ZNF75A: variants seen among roughly 807,000 people sequenced by gnomAD.
ZNF75A encodes zinc finger protein 75A.
A neutral mutation model predicts 46.3 loss-of-function variants in ZNF75A; 36 were observed. The observed-to-expected ratio is 0.78, with a 90% CI of 0.60 to 1.03. The LOEUF (loss-of-function observed/expected upper bound fraction) is 1.03, where lower values mean the gene tolerates loss of function less well. Ranked by LOEUF, ZNF75A falls within the 50% of genes least tolerant of loss-of-function variation. The pLI is 0.00. For synonymous variants in ZNF75A, 234 were observed against 189.9 expected, an observed-to-expected ratio of 1.23 and a Z score of -1.91; for missense variants, 595 against 551.3, an observed-to-expected ratio of 1.08 and a Z score of -0.79.
chr16:3,310,937 T>A (rs1305202157), intron 2 of ZNF75A: 1 of 985,366 alleles, frequency 1.0e-6, no homozygotes, highest in Non-Finnish European at 1.2e-6. Context: ...GGTGTCAGAA[T>A]CATCTGGAGG....
Position 3,311,736 on chromosome 16 carries a change from A to G in ZNF75A, c.409-17A>G. ...AAAAGTAAGTTCTGTGGTAACAAGG[A>G]TGGGAATTATTTCTAGGTTGCAGTC... On this transcript the variant is annotated splice_polypyrimidine_tract_variant and intron_variant, in intron 2 of 6. Transcript: ENST00000669516. 2 of 1,046,964 alleles carry G rather than the reference A, an allele frequency of 1.9e-6. No homozygotes were observed. Among genetic ancestry groups the G allele is most frequent in the South Asian group, 3.5e-5 (1 of 28,514 alleles). 64.9% of individuals were successfully genotyped at this position (1,046,964 alleles called of 1,614,324 possible).
At chr16:3,323,432 ATGG>A (rs2030015804), downstream of ZNF75A, 3 of 755,336 alleles carry the variant, frequency 4.0e-6, no homozygotes, top group Admixed American at 5.2e-5. Context: ...TGTCAGAGGG[ATGG>A]TGTTCTTATT....
chr16:3,316,845 T>C (rs1961244190), intron 5 of ZNF75A, 67 bp from the exon 6 acceptor site: 1 of 1,069,092 alleles, frequency 9.4e-7, no homozygotes, highest in Admixed American at 2.1e-5. Context: ...CCTGAAACAG[T>C]CTGGGATTAG....
intron 2 of ZNF75A, among the ~76,000 whole-genome samples, chr16:3,309,851 A>G (rs1283332776): frequency 6.6e-6 from 1 of 151,754 alleles, no homozygotes; most frequent in Non-Finnish European, 1.5e-5. Context: ...TCATGCCTAT[A>G]TTTCGAACAC....
chr16:3,311,874 G>T lies in ZNF75A; in HGVS notation c.530G>T (p.Trp177Leu). ...GGCGTATCCCAAGATGAAGAATTTT[G>T]GAATACATACGAGGGTCTGCAAGAA... ...PVGVSQDEEF[W>L]NTYEGLQEQL... The change falls in exon 3 of 7, where the codon TGG becomes TTG. Residue 177 changes from tryptophan to leucine, a missense_variant. Trp to Leu is a moderately conservative substitution (Grantham distance 61). Transcript: ENST00000669516. 3.9e-6 allele frequency: 4 copies of T among 1,017,886 alleles called. No individual in the cohort carries two copies. Among genetic ancestry groups the T allele is most frequent in the South Asian group, 7.9e-5 (2 of 25,170 alleles). The allele number at this position is 1,017,886 out of a possible 1,614,324, so 63.1% of individuals were successfully genotyped here. A position where few individuals can be genotyped will look rare whatever the true frequency, so the allele number is the denominator to read the frequency against.
At chr16:3,320,487 T>A (rs903247717), downstream of ZNF75A, among the ~76,000 whole-genome samples, 2 of 152,194 alleles carry the variant, frequency 1.3e-5, no homozygotes, top group African/African-American at 4.8e-5. Flanking sequence ...TAAACTGAGC[T>A]GATGCAACAC....
At position 3,310,609 on chromosome 16, in the gene ZNF75A, G is replaced by C. The variant is rs1412850183; in HGVS notation, c.409-1144G>C. The C allele has an allele frequency of 3.3e-6, 3 of 920,330 alleles. No individual in the cohort carries two copies. The African/African-American group carries it at 5.4e-5, about 17-fold the overall frequency. The allele number at this position is 920,330 out of a possible 1,614,324, so 57.0% of individuals were successfully genotyped here. A position where few individuals can be genotyped will look rare whatever the true frequency, so the allele number is the denominator to read the frequency against. The stretch of plus-strand genomic sequence containing the variant: ...CCACTGTACCCCAGCCTGGGTGACA[G>C]AGTGAGACCCCCGTCTCAAAACAAA... On this transcript the variant is annotated intron_variant, in intron 2 of 6. Coordinates refer to ENST00000669516, the MANE Select transcript of ZNF75A (RefSeq NM_001302109.2).
chr16:3,319,803 T>C (rs1207379683), downstream of ZNF75A, among the ~76,000 whole-genome samples: 1 of 150,230 alleles, frequency 6.7e-6, no homozygotes, highest in Non-Finnish European at 1.5e-5. Context: ...TTTTATTTTT[T>C]TTTTTATTTT....
At chr16:3,319,782 C>CG (rs1961454742), downstream of ZNF75A, among the ~76,000 whole-genome samples, 1 of 117,792 alleles carries the variant, frequency 8.5e-6, no homozygotes, top group Non-Finnish European at 1.8e-5. Flanking sequence ...TGAAGCTTTT[C>CG]ATTTTTTTTT....
intron 5 of ZNF75A, chr16:3,315,263 C>T (rs1052579178): frequency 5.0e-6 from 1 of 200,034 alleles, no homozygotes; most frequent in Non-Finnish European, 8.8e-6. Context: ...GCGATCTCAG[C>T]TCAGTGCAAG....
chr16:3,322,852 C>T, downstream of ZNF75A: 2 of 971,980 alleles, frequency 2.1e-6, no homozygotes, highest in Non-Finnish European at 2.4e-6. Context: ...TCGACTGCTC[C>T]CGGAGTCTTA....
At chr16:3,313,822 C>T (rs1960992653) in intron 5 of ZNF75A, among the ~76,000 whole-genome samples, 1 of 152,192 alleles carries the variant, frequency 6.6e-6, no homozygotes, top group Non-Finnish European at 1.5e-5. Context: ...GGCTCCAGGA[C>T]ACTCTACAGT....
Position 3,318,551 on chromosome 16 carries a change from G to T in ZNF75A, c.*682G>T. On this transcript the variant is annotated 3_prime_UTR_variant, in exon 7 of 7. Coordinates refer to ENST00000669516, the MANE Select transcript of ZNF75A (RefSeq NM_001302109.2). ...ATATATTAGATGTAAAGAATTTTCTGCAATAAAAGAAACTAGACTTGTTAA... is the reference window on the plus strand; with the variant it reads ...ATATATTAGATGTAAAGAATTTTCTTCAATAAAAGAAACTAGACTTGTTAA... 1 of 985,396 alleles carries T rather than the reference G, an allele frequency of 1.0e-6. No individual in the cohort carries two copies. The highest frequency in any genetic ancestry group is 1.2e-6 in the Non-Finnish European group (1 of 829,910). The allele number at this position is 985,396 out of a possible 1,614,324, so 61.0% of individuals were successfully genotyped here. A position where few individuals can be genotyped will look rare whatever the true frequency, so the allele number is the denominator to read the frequency against.
At chr16:3,308,946 G>GTTT in intron 2 of ZNF75A, 110 bp downstream of exon 2, 5 of 631,480 alleles carry the variant, frequency 7.9e-6, no homozygotes, top group African/African-American at 2.0e-5. Flanking sequence ...TCATTGTTTG[G>GTTT]TTTTTTTTTT....
At chr16:3,319,151 T>G (rs1251226337), downstream of ZNF75A, among the ~76,000 whole-genome samples, 1 of 152,140 alleles carries the variant, frequency 6.6e-6, no homozygotes, top group Admixed American at 6.5e-5. Flanking sequence ...TTCGCTCTTG[T>G]CACTCAGGCT....
downstream of ZNF75A, chr16:3,318,977 G>A (rs879259222): frequency 2.4e-6 from 1 of 422,380 alleles, no homozygotes; most frequent in Non-Finnish European, 3.2e-6. Flanking sequence ...AAATTTGATG[G>A]ATTGCCAAAA....
chr16:3,317,002 G>A lies in ZNF75A; in HGVS notation c.914G>A (p.Ser305Asn). 1.9e-6 allele frequency: 3 copies of A among 1,614,010 alleles called. No homozygotes were observed. The highest frequency in any genetic ancestry group is 2.5e-6 in the Non-Finnish European group (3 of 1,179,908). Residue 305 changes from serine (S) to asparagine (N), a missense_variant, in exon 6 of 7, where the codon AGT becomes AAT. Coordinates refer to ENST00000669516, the MANE Select transcript of ZNF75A (RefSeq NM_001302109.2). The stretch of plus-strand genomic sequence containing the variant: ...CAAGTATCCCCGGAGTTTAAGGATA[G>A]TGCCGGAAAATCTCCTACAGGTAAA... ...WVQVSPEFKD[S>N]AGKSPTGLKL...
At chr16:3,307,245 A>G (rs1313762139) in intron 1 of ZNF75A, 7 of 152,048 alleles carry the variant, frequency 4.6e-5, no homozygotes. Flanking sequence ...GCCACGGCGC[A>G]CCGCCAGTTT....
intron 2 of ZNF75A, chr16:3,310,771 C>T: frequency 6.1e-6 from 6 of 985,386 alleles, no homozygotes; most frequent in Non-Finnish European, 7.2e-6. Context: ...TGGGTAATGT[C>T]CTCCCTATAG....
Sources: gnomAD v4.1 joint callset for allele counts (sites outside exome capture counted in the v4.1 genomes callset) on GRCh38, gnomAD v4.1.1 for gene constraint, MANE v1.5 for transcripts, NCBI Gene and HGNC (gene_info 2026-07-23, HGNC 2026-07-21) for gene names.